CACNA1A: variants seen among roughly 807,000 people sequenced by gnomAD.
The protein encoded by CACNA1A is calcium voltage-gated channel subunit alpha1 A, also known as voltage-dependent P/Q-type calcium channel subunit alpha-1A.
A neutral mutation model predicts 262.4 loss-of-function variants in CACNA1A; 57 were observed. The observed-to-expected ratio is 0.22, with a 90% CI of 0.18 to 0.27. The LOEUF (loss-of-function observed/expected upper bound fraction) is 0.27, where lower values mean the gene tolerates loss of function less well. Among genes scored for constraint, CACNA1A ranks in the 10% least tolerant of loss-of-function variants. CACNA1A has a pLI of 1.00. For synonymous variants in CACNA1A, 1,431 were observed against 1,419.3 expected (o/e 1.01, Z -0.18); for missense variants, 2,526 against 3,562.8 (o/e 0.71, Z 7.41).
At chr19:13,291,532 C>T (rs2057537838) in intron 19 of CACNA1A, among the ~76,000 whole-genome samples, 1 of 150,540 alleles carries the variant, frequency 6.6e-6, no homozygotes, top group Non-Finnish European at 1.5e-5. Context: ...GGTACAGTGG[C>T]TTACGCCTGT....
intron 6 of CACNA1A, among the ~76,000 whole-genome samples, chr19:13,356,928 T>C (rs1037754996): frequency 2.6e-5 from 4 of 152,132 alleles, no homozygotes; most frequent in East Asian, 1.9e-4. Context: ...TTCCCAGAGA[T>C]GCTACACTCA....
chr19:13,242,782 A>T (rs2056113945), intron 31 of CACNA1A, among the ~76,000 whole-genome samples: 1 of 152,154 alleles, frequency 6.6e-6, no homozygotes, highest in African/African-American at 2.4e-5. Flanking sequence ...TGCATGCATC[A>T]CTGTGAGTCT....
intron 38 of CACNA1A, among the ~76,000 whole-genome samples, chr19:13,218,233 G>C (rs550806798): frequency 6.6e-6 from 1 of 152,038 alleles, no homozygotes; most frequent in African/African-American, 2.4e-5. Context: ...TGGGATTACA[G>C]CCGCCCGCCG....
At chr19:13,502,624 T>C (rs1982524867) in intron 1 of CACNA1A, among the ~76,000 whole-genome samples, 2 of 152,168 alleles carry the variant, frequency 1.3e-5, no homozygotes, top group South Asian at 4.2e-4. Flanking sequence ...GCTTGCTGCC[T>C]GGCATGAGAA....
chr19:13,482,848 T>TTGTGTGTGTGTGTGTGTG (rs34754803), intron 1 of CACNA1A, among the ~76,000 whole-genome samples: 2 of 133,924 alleles, frequency 1.5e-5, no homozygotes, highest in Admixed American at 1.5e-4. Context: ...TTCTCTCAAC[T>TTGTGTGTGTGTGTGTGTG]TGTGTGTGTG....
chr19:13,406,840 T>C (rs551637591), intron 3 of CACNA1A, among the ~76,000 whole-genome samples: 91 of 152,054 alleles, frequency 6.0e-4, no homozygotes, highest in Admixed American at 1.3e-3. Flanking sequence ...GCCTTCAGGA[T>C]AAAGTCCAAA....
intron 1 of CACNA1A, among the ~76,000 whole-genome samples, chr19:13,504,908 G>C (rs1982833546): frequency 6.6e-6 from 1 of 152,006 alleles, no homozygotes; most frequent in Non-Finnish European, 1.5e-5. Context: ...TCTGCATTTT[G>C]ATAGCATCTC....
chr19:13,354,349 C>G (rs1438505090), intron 6 of CACNA1A, among the ~76,000 whole-genome samples: 1 of 152,170 alleles, frequency 6.6e-6, no homozygotes, highest in Non-Finnish European at 1.5e-5. Context: ...TCATGGAGGA[C>G]AAAGATTTCC....
intron 2 of CACNA1A, 59 bp from the exon 3 acceptor site, chr19:13,453,074 G>A: frequency 1.9e-6 from 3 of 1,586,770 alleles, no homozygotes; most frequent in Non-Finnish European, 2.6e-6. Context: ...GACAAGATCA[G>A]GGAACCAGCC....
chr19:13,366,744 T>C (rs1599295636), intron 4 of CACNA1A, among the ~76,000 whole-genome samples: 1 of 81,398 alleles, frequency 1.2e-5, no homozygotes, highest in South Asian at 2.8e-4. Context: ...ATTTTCTTAA[T>C]TTTTTTTTTC....
At chr19:13,290,746 T>A (rs900370055) in intron 19 of CACNA1A, among the ~76,000 whole-genome samples, 2 of 151,052 alleles carry the variant, frequency 1.3e-5, no homozygotes, top group African/African-American at 2.5e-5. Flanking sequence ...TGTGTATATA[T>A]ATACATACAC....
intron 30 of CACNA1A, among the ~76,000 whole-genome samples, chr19:13,246,858 C>T (rs766811760): frequency 1.3e-5 from 2 of 151,892 alleles, no homozygotes; most frequent in African/African-American, 2.4e-5. Context: ...GATCTCCTGA[C>T]GTTGTGATCC....
In CACNA1A at chr19:13,286,929, T is replaced by C; in HGVS notation, c.3127A>G (p.Asn1043Asp). 6.2e-7 allele frequency: 1 copy of C among 1,610,590 alleles called. No homozygotes were observed. The highest frequency in any genetic ancestry group is 8.5e-7 in the Non-Finnish European group (1 of 1,177,968). Residue 1043 changes from asparagine to aspartate, a missense_variant, in exon 20 of 47, where the codon AAC becomes GAC. Transcript: ENST00000360228. Reference protein sequence around the residue: ...QGSGVPVSGPNLSTTRPIQQD... With the variant: ...QGSGVPVSGPDLSTTRPIQQD... ...TGGATTGGCCGGGTGGTTGACAGGT[T>C]GGGGCCCGACACAGGGACCCCGGAG...
At chr19:13,337,509 T>C (rs1261156302) in intron 6 of CACNA1A, among the ~76,000 whole-genome samples, 2 of 152,124 alleles carry the variant, frequency 1.3e-5, no homozygotes, top group South Asian at 2.1e-4. Context: ...TTAACTGCTA[T>C]GGTTGGTGCA....
chr19:13,235,388 CAG>C, intron 32 of CACNA1A, 114 bp from the exon 33 acceptor site: 1 of 1,040,502 alleles, frequency 9.6e-7, no homozygotes, highest in Non-Finnish European at 1.5e-6. Flanking sequence ...TGCCACGTGC[CAG>C]AGTCCTTCCA....
intron 28 of CACNA1A, 68 bp from the exon 29 acceptor site, chr19:13,255,327 T>C: frequency 7.1e-7 from 1 of 1,415,016 alleles, no homozygotes. Flanking sequence ...CCGGGCACCC[T>C]CTGTCTAACT....
intron 9 of CACNA1A, among the ~76,000 whole-genome samples, chr19:13,331,277 C>A (rs181741988): frequency 1.2e-3 from 185 of 152,262 alleles, no homozygotes; most frequent in Non-Finnish European, 1.2e-3. Context: ...TGCTCTGTCG[C>A]CTAGGCTGGA....
Position 13,286,702 on chromosome 19 carries a change from G to T in CACNA1A, c.3354C>A (p.Asn1118Lys). Reference sequence around the variant, plus strand: ...TGTTGGGCGTCCGGCGGCTGGCGGCGTTCTGGGGGTTGGTGGCCATGGCAG... The same window carrying T: ...TGTTGGGCGTCCGGCGGCTGGCGGCTTTCTGGGGGTTGGTGGCCATGGCAG... ...AIPAMATNPQ[N>K]AASRRTPNNP... The change falls in exon 20 of 47, where the codon AAC becomes AAA. Residue 1118 changes from asparagine (N) to lysine (K), a missense_variant. Physicochemically the swap from Asn to Lys is moderately conservative, Grantham distance 94 (BLOSUM62 0). Coordinates refer to ENST00000360228, the MANE Select transcript of CACNA1A (RefSeq NM_001127222.2). The T allele has an allele frequency of 6.3e-7, 1 of 1,586,858 alleles. No homozygotes were observed.
At chr19:13,303,525 A>G in intron 17 of CACNA1A, 21 bp downstream of exon 17, 1 of 1,374,266 alleles carries the variant, frequency 7.3e-7, no homozygotes, top group Non-Finnish European at 9.7e-7. Context: ...TGCCAGAGAA[A>G]CATTCTCCCA....
Sources: gnomAD v4.1 joint callset for allele counts (sites outside exome capture counted in the v4.1 genomes callset) on GRCh38, gnomAD v4.1.1 for gene constraint, MANE v1.5 for transcripts, NCBI Gene and HGNC (gene_info 2026-07-23, HGNC 2026-07-21) for gene names.